ATP9A: variants seen among roughly 807,000 people sequenced by gnomAD.
ATP9A encodes ATPase phospholipid transporting 9A.
In ATP9A, 52 loss-of-function variants were observed where a neutral mutation model predicts 144.1. The observed-to-expected ratio is 0.36, with a 90% CI of 0.29 to 0.45. ATP9A has a LOEUF of 0.45. ATP9A is among the 20% of genes least tolerant of loss of function. ATP9A has a pLI of 1.00. For synonymous variants in ATP9A, 582 were observed against 557.4 expected, an observed-to-expected ratio of 1.04 and a Z score of -0.62; for missense variants, 947 against 1,392.7, an observed-to-expected ratio of 0.68 and a Z score of 5.09.
rs917770191 is a variant in ATP9A at position 51,624,979 on chromosome 20, T to C, written c.2016+213A>G. On this transcript the variant is annotated intron_variant, in intron 18 of 27. Transcript: ENST00000338821. Reference sequence around the variant, plus strand: ...AAGATCATGCCACTGCACTCCAGCCTGGGCGACACAGCGAGACCCCGTCTC... The same window carrying C: ...AAGATCATGCCACTGCACTCCAGCCCGGGCGACACAGCGAGACCCCGTCTC... 6.9e-5 allele frequency among the ~76,000 whole-genome samples: 9 copies of C among 130,352 alleles called. No homozygotes were observed. The Admixed American group carries it at 7.6e-4, about 11-fold the overall frequency. The allele number at this position is 130,352 out of a possible 152,430, so 85.5% of individuals were successfully genotyped here.
chr20:51,698,481 T>A (rs777233889), intron 4 of ATP9A, among the ~76,000 whole-genome samples: 7 of 152,198 alleles, frequency 4.6e-5, no homozygotes, highest in Non-Finnish European at 7.3e-5. Flanking sequence ...GCCGTGATCA[T>A]GTCACTCCGG....
rs1310844426 is a variant in ATP9A at position 51,632,665 on chromosome 20, G to A, written c.1669-3593C>T. Among the ~76,000 whole-genome samples, 3 of 152,216 alleles carry A rather than the reference G, an allele frequency of 2.0e-5. No individual in the cohort carries two copies. In the East Asian group the frequency reaches 5.8e-4, roughly 29 times the overall value. On this transcript the variant is annotated intron_variant, in intron 15 of 27. Transcript: ENST00000338821. The stretch of plus-strand genomic sequence containing the variant: ...ACATTAGAGGAGTGTGGTGAGGTTT[G>A]TGCCAAGGGGAGAACTAGTCCAAAA...
intron 13 of ATP9A, among the ~76,000 whole-genome samples, chr20:51,659,365 C>G (rs1375204305): frequency 6.6e-6 from 1 of 152,186 alleles, no homozygotes; most frequent in African/African-American, 2.4e-5. Context: ...TTCCTAGTAT[C>G]CAGGGCAGTG....
At chr20:51,662,586 CTTTA>C (rs1156803775) in intron 13 of ATP9A, among the ~76,000 whole-genome samples, 4 of 150,388 alleles carry the variant, frequency 2.7e-5, no homozygotes, top group African/African-American at 7.4e-5. Context: ...GTATGATTTG[CTTTA>C]TTTATTTTTT....
At chr20:51,668,905 G>A (rs1317241624) in intron 13 of ATP9A, among the ~76,000 whole-genome samples, 1 of 152,180 alleles carries the variant, frequency 6.6e-6, no homozygotes, top group Non-Finnish European at 1.5e-5. Context: ...AAAATTAAAT[G>A]TCAGTTATGA....
At chr20:51,760,833 G>A (rs923635679) in intron 1 of ATP9A, among the ~76,000 whole-genome samples, 3 of 152,180 alleles carry the variant, frequency 2.0e-5, no homozygotes, top group South Asian at 2.1e-4. Context: ...GACCATCCTG[G>A]TCAACATGGT....
chr20:51,688,781 C>T (rs892583168), intron 9 of ATP9A, among the ~76,000 whole-genome samples: 1 of 152,080 alleles, frequency 6.6e-6, no homozygotes, highest in Non-Finnish European at 1.5e-5. Context: ...CTGCCTCCCC[C>T]TCTGGTACAG....
intron 3 of ATP9A, among the ~76,000 whole-genome samples, chr20:51,722,453 GACTAACATCCAGAA>G (rs1367512124): frequency 3.1e-4 from 47 of 151,992 alleles, no homozygotes; most frequent in African/African-American, 1.1e-3. Flanking sequence ...TCTGACAAAG[GACTAACATCCAGAA>G]TCTACAAAGA....
At chr20:51,602,279 A>C (rs1198199574) in intron 27 of ATP9A, among the ~76,000 whole-genome samples, 1 of 152,196 alleles carries the variant, frequency 6.6e-6, no homozygotes, top group African/African-American at 2.4e-5. Context: ...AAGCCAGAAT[A>C]AGCCCCTTCT....
chr20:51,668,099 G>T (rs868317277), intron 13 of ATP9A, among the ~76,000 whole-genome samples: 745 of 28,520 alleles, frequency 0.026, 182 homozygotes, highest in African/African-American at 0.087. Flanking sequence ...GGGGGGGGGG[G>T]GGCGGAAGGG....
At chr20:51,747,504 T>C (rs2077813781) in intron 1 of ATP9A, among the ~76,000 whole-genome samples, 1 of 152,054 alleles carries the variant, frequency 6.6e-6, no homozygotes, top group Admixed American at 6.6e-5. Context: ...GGTGGTTAAA[T>C]GGGAAGAAAA....
chr20:51,733,452 C>T (rs1270346807), intron 1 of ATP9A, among the ~76,000 whole-genome samples: 1 of 152,090 alleles, frequency 6.6e-6, no homozygotes, highest in African/African-American at 2.4e-5. Flanking sequence ...CCACTCACTG[C>T]AACCTCCACC....
intron 4 of ATP9A, among the ~76,000 whole-genome samples, chr20:51,708,693 G>A (rs919651154): frequency 2.6e-5 from 4 of 152,152 alleles, no homozygotes; most frequent in Non-Finnish European, 4.4e-5. Flanking sequence ...CTGAGATCAC[G>A]CTACTGCACT....
intron 14 of ATP9A, among the ~76,000 whole-genome samples, chr20:51,650,471 T>C (rs1029682546): frequency 1.3e-5 from 2 of 150,936 alleles, no homozygotes; most frequent in Admixed American, 1.3e-4. Context: ...GAGACGGAGG[T>C]TGCAGTGAGC....
intron 1 of ATP9A, among the ~76,000 whole-genome samples, chr20:51,754,035 A>G (rs1385721282): frequency 6.6e-6 from 1 of 152,078 alleles, no homozygotes; most frequent in African/African-American, 2.4e-5. Context: ...AACAAAGATT[A>G]GACTTTTTCA....
chr20:51,694,648 C>A (rs1456354948), intron 6 of ATP9A, among the ~76,000 whole-genome samples: 1 of 152,184 alleles, frequency 6.6e-6, no homozygotes. Context: ...AGAGCTGATT[C>A]GTGCGCAGAG....
At chr20:51,674,545 G>T (rs1428035252) in intron 10 of ATP9A, among the ~76,000 whole-genome samples, 2 of 152,094 alleles carry the variant, frequency 1.3e-5, no homozygotes, top group African/African-American at 4.8e-5. Context: ...TTCATAACAG[G>T]CATCCAAGGG....
Position 51,685,423 on chromosome 20 carries a change from G to A in ATP9A, c.799+3641C>T, listed in dbSNP as rs998498902. On this transcript the variant is annotated intron_variant, in intron 9 of 27. Transcript: ENST00000338821. ...AAAATCCAAAAAAAGTTAGCTGGGC[G>A]TGTTGGCGGGCCCCTATAATCCCAG... Among the ~76,000 whole-genome samples, 7 of 152,014 alleles carry A rather than the reference G, an allele frequency of 4.6e-5. No homozygotes were observed. In the East Asian group the frequency reaches 7.7e-4, roughly 17 times the overall value.
chr20:51,644,267 C>CTTTTT lies in ATP9A; in HGVS notation c.1507-4768_1507-4764dup, dbSNP rs772071945. ...AATTACTTCTAGCTTTTACTTCTAGCTTTTTTTTTTTTTTTTTTTTTTTGA... is the reference window on the plus strand; with the variant it reads ...AATTACTTCTAGCTTTTACTTCTAGCTTTTTTTTTTTTTTTTTTTTTTTTTTTTGA... On this transcript the variant is annotated intron_variant, in intron 14 of 27. Coordinates refer to ENST00000338821, the MANE Select transcript of ATP9A (RefSeq NM_006045.3). Among the ~76,000 whole-genome samples the CTTTTT allele has an allele frequency of 9.1e-4, 69 of 75,990 alleles. 1 individual carries two copies. The highest frequency in any genetic ancestry group is 1.3e-3 in the African/African-American group (29 of 22,416). 49.9% of individuals were successfully genotyped at this position (75,990 alleles called of 152,430 possible). A position where few individuals can be genotyped will look rare whatever the true frequency, so the allele number is the denominator to read the frequency against.
Sources: allele counts gnomAD v4.1 joint callset (sites outside exome capture counted in the v4.1 genomes callset), GRCh38; gene constraint gnomAD v4.1.1; transcripts MANE v1.5; gene names NCBI Gene and HGNC (gene_info 2026-07-23, HGNC 2026-07-21).